The following SLC1A3 variants were observed in gnomAD, a reference collection of about 807,000 sequenced individuals.
The protein encoded by SLC1A3 is solute carrier family 1 member 3.
A neutral mutation model predicts 48.1 loss-of-function variants in SLC1A3; 21 were observed. That is an observed-to-expected ratio of 0.44 (90% CI 0.31 to 0.63). SLC1A3 has a LOEUF of 0.63. SLC1A3 is among the 20% of genes least tolerant of loss of function. The pLI is 0.08. For missense variants in SLC1A3, 546 were observed against 689.0 expected, an observed-to-expected ratio of 0.79 and a Z score of 2.32; for synonymous variants, 239 against 251.4, an observed-to-expected ratio of 0.95 and a Z score of 0.47.
At position 36,688,239 on chromosome 5, in the gene SLC1A3, C is replaced by T. The variant is rs971310892; in HGVS notation, c.*1970C>T. The T allele has an allele frequency of 1.3e-5, 2 of 152,196 alleles. No homozygotes were observed. The highest frequency in any genetic ancestry group is 4.8e-5 in the African/African-American group (2 of 41,430). 9.4% of individuals were successfully genotyped at this position (152,196 alleles called of 1,614,324 possible). A position where few individuals can be genotyped will look rare whatever the true frequency, so the allele number is the denominator to read the frequency against. On this transcript the variant is annotated 3_prime_UTR_variant, in exon 10 of 10. Transcript: ENST00000265113. ...TGGGGAGCCCATCCTCTCGCCAAGC[C>T]ATCACAGGCTCTGCATACACATGCA...
rs1237648238 is a variant in SLC1A3 at position 36,687,834 on chromosome 5, C to T, written c.*1565C>T. Reference sequence around the variant, plus strand: ...CCAGGTTTAGAGATTAATTTTTACCCCCTAAGGAATATCCAGTCAAAGACG... The same window carrying T: ...CCAGGTTTAGAGATTAATTTTTACCTCCTAAGGAATATCCAGTCAAAGACG... On this transcript the variant is annotated 3_prime_UTR_variant, in exon 10 of 10. Transcript: ENST00000265113. The T allele has an allele frequency of 6.6e-6, 1 of 152,598 alleles. No individual in the cohort carries two copies. Among genetic ancestry groups the T allele is most frequent in the Non-Finnish European group, 1.5e-5 (1 of 68,036 alleles). The allele number at this position is 152,598 out of a possible 1,614,324, so 9.5% of individuals were successfully genotyped here.
chr5:36,640,953 A>G (rs1237160826), intron 3 of SLC1A3, among the ~76,000 whole-genome samples: 1 of 151,996 alleles, frequency 6.6e-6, no homozygotes, highest in Non-Finnish European at 1.5e-5. Context: ...ATATTAACAT[A>G]TTTCATGTTT....
chr5:36,613,482 G>C (rs1739291343), intron 2 of SLC1A3: 1 of 152,324 alleles, frequency 6.6e-6, no homozygotes, highest in Non-Finnish European at 1.5e-5. Context: ...GGACTGAACT[G>C]ACCTGGTAGT....
chr5:36,680,688 C>A (rs780717613), intron 8 of SLC1A3, 99 bp downstream of exon 8: 1 of 982,114 alleles, frequency 1.0e-6, no homozygotes, highest in Non-Finnish European at 1.6e-6. Flanking sequence ...GAGGCCAAGG[C>A]GGGTGGATCT....
chr5:36,668,821 G>T (rs115339494), intron 3 of SLC1A3: 1 of 152,176 alleles, frequency 6.6e-6, no homozygotes, highest in Non-Finnish European at 1.5e-5. Context: ...CCCTGTAGCC[G>T]TGGGTATTGG....
chr5:36,624,709 A>G (rs779088598), intron 2 of SLC1A3, among the ~76,000 whole-genome samples: 2 of 152,202 alleles, frequency 1.3e-5, no homozygotes, highest in Non-Finnish European at 2.9e-5. Context: ...GTTACTACCG[A>G]TGGTTTCTAG....
intron 4 of SLC1A3, among the ~76,000 whole-genome samples, chr5:36,671,561 T>C (rs1382518451): frequency 6.6e-6 from 1 of 152,204 alleles, no homozygotes; most frequent in Non-Finnish European, 1.5e-5. Context: ...TTAACTGCTG[T>C]TCTTTAAGGC....
In SLC1A3 at chr5:36,679,633, C is replaced by A. The variant is rs770370009; in HGVS notation, c.867C>A (p.Ala289=). 1 of 1,611,760 alleles carries A rather than the reference C, an allele frequency of 6.2e-7. No individual in the cohort carries two copies. Among genetic ancestry groups the A allele is most frequent in the East Asian group, 2.2e-5 (1 of 44,866 alleles). ...TGGTGTTGCTTCTCCCCAGGTATGCCCCCGTGGGTATTCTCTTCCTGATTG... is the reference window on the plus strand; with the variant it reads ...TGGTGTTGCTTCTCCCCAGGTATGCACCCGTGGGTATTCTCTTCCTGATTG... ...MRLVAVIMWY[A]PVGILFLIAG... is the part of the protein sequence containing the mutation. Residue 289 remains alanine, a synonymous_variant, in exon 7 of 10, where the codon GCC becomes GCA. Coordinates refer to ENST00000265113, the MANE Select transcript of SLC1A3 (RefSeq NM_004172.5).
chr5:36,648,351 G>T (rs992969342), intron 3 of SLC1A3, among the ~76,000 whole-genome samples: 3 of 152,096 alleles, frequency 2.0e-5, no homozygotes, highest in African/African-American at 7.2e-5. Context: ...TTTTATTAAC[G>T]ATTAATGTAA....
intron 9 of SLC1A3, among the ~76,000 whole-genome samples, chr5:36,685,519 A>G (rs978839872): frequency 6.6e-6 from 1 of 152,158 alleles, no homozygotes; most frequent in Non-Finnish European, 1.5e-5. Context: ...CAGGTGAACC[A>G]CCTGCCTTGG....
chr5:36,653,653 A>G lies in SLC1A3; in HGVS notation c.320-17376A>G, dbSNP rs1247381464. The stretch of plus-strand genomic sequence containing the variant: ...GGCCCCTCACTTCTGACACACACAG[A>G]TCTCTTCTTTCTCAACCTGATGCAC... On this transcript the variant is annotated intron_variant, in intron 3 of 9. Transcript: ENST00000265113. Among the ~76,000 whole-genome samples the G allele has an allele frequency of 3.9e-5, 6 of 152,046 alleles. 1 individual carries two copies. Among genetic ancestry groups the G allele is most frequent in the South Asian group, 4.1e-4 (2 of 4,820 alleles).
In SLC1A3 at chr5:36,643,010, C is replaced by G. The variant is rs1163882861; in HGVS notation, c.319+13423C>G. 2.0e-5 allele frequency among the ~76,000 whole-genome samples: 3 copies of G among 152,232 alleles called. No homozygotes were observed. In the East Asian group the frequency reaches 5.8e-4, roughly 29 times the overall value. ...TTCATATAATGAACATATCACATGT[C>G]CATATTCCATATATGACATGTCCAT... On this transcript the variant is annotated intron_variant, in intron 3 of 9. Coordinates refer to ENST00000265113, the MANE Select transcript of SLC1A3 (RefSeq NM_004172.5).
intron 3 of SLC1A3, among the ~76,000 whole-genome samples, chr5:36,642,072 A>T (rs1259386879): frequency 6.6e-6 from 1 of 152,236 alleles, no homozygotes; most frequent in African/African-American, 2.4e-5. Context: ...CTTAAAATTG[A>T]GAGAATTCAA....
chr5:36,686,454 T>G lies in SLC1A3; in HGVS notation c.*185T>G, dbSNP rs1330487440. On this transcript the variant is annotated 3_prime_UTR_variant, in exon 10 of 10. Coordinates refer to ENST00000265113, the MANE Select transcript of SLC1A3 (RefSeq NM_004172.5). ...TTTGGGTGGCCAAAGTGTACAATTT[T>G]CATCCCACAATTGAAATTTTTAAAT... 1.6e-6 allele frequency: 1 copy of G among 612,450 alleles called. No individual in the cohort carries two copies. Among genetic ancestry groups the G allele is most frequent in the African/African-American group, 1.8e-5 (1 of 54,128 alleles). The allele number at this position is 612,450 out of a possible 1,614,324, so 37.9% of individuals were successfully genotyped here.
chr5:36,671,341 A>T (rs1741988672), intron 4 of SLC1A3, 108 bp downstream of exon 4: 1 of 774,918 alleles, frequency 1.3e-6, no homozygotes, highest in Non-Finnish European at 2.3e-6. Context: ...CAGCCTTGCC[A>T]GGCTTGAAAT....
intron 3 of SLC1A3, among the ~76,000 whole-genome samples, chr5:36,642,494 C>G (rs935852415): frequency 2.0e-5 from 3 of 152,098 alleles, no homozygotes; most frequent in African/African-American, 7.2e-5. Context: ...AAAATTATTT[C>G]TTGGTATTGA....
intron 3 of SLC1A3, chr5:36,649,298 A>C (rs1296789076): frequency 2.0e-5 from 3 of 149,444 alleles, no homozygotes; most frequent in Non-Finnish European, 4.4e-5. Flanking sequence ...CAGTGAACTG[A>C]GATTGTGCCA....
At chr5:36,638,311 C>T (rs542421454) in intron 3 of SLC1A3, among the ~76,000 whole-genome samples, 2 of 152,278 alleles carry the variant, frequency 1.3e-5, no homozygotes, top group Non-Finnish European at 2.9e-5. Flanking sequence ...TAGCAGCCTT[C>T]GCAAGCCCCT....
rs890622752 is a variant in SLC1A3 at position 36,671,073 on chromosome 5, C to A, written c.364C>A (p.Arg122=). 2 of 1,613,830 alleles carry A rather than the reference C, an allele frequency of 1.2e-6. No individual in the cohort carries two copies. Among genetic ancestry groups the A allele is most frequent in the East Asian group, 2.2e-5 (1 of 44,892 alleles). Residue 122 remains arginine, a synonymous_variant, in exon 4 of 10, where the codon CGA becomes AGA. Transcript: ENST00000265113. ...TAAGGCATCAGGGAAGATGGGAATG[C>A]GAGCTGTAGTCTATTATATGACTAC... ...DSKASGKMGM[R]AVVYYMTTTI...
Sources: allele counts gnomAD v4.1 joint callset (sites outside exome capture counted in the v4.1 genomes callset), GRCh38; gene constraint gnomAD v4.1.1; transcripts MANE v1.5; gene names NCBI Gene and HGNC (gene_info 2026-07-23, HGNC 2026-07-21).